The following HDAC9 variants were observed in gnomAD, a reference collection of about 807,000 sequenced individuals.
HDAC9 encodes the protein histone deacetylase 9.
HDAC9 carries 41 observed loss-of-function variants against 139.4 expected under a neutral mutation model. The observed-to-expected ratio is 0.29, with a 90% CI of 0.23 to 0.38. HDAC9 has a LOEUF of 0.38. Ranked by LOEUF, HDAC9 falls within the 10% of genes least tolerant of loss-of-function variation. HDAC9 has a pLI of 1.00. For synonymous variants in HDAC9, 517 were observed against 476.2 expected (o/e 1.09, Z -1.12); for missense variants, 1,147 against 1,297.0 (o/e 0.88, Z 1.78).
intron 1 of HDAC9, among the ~76,000 whole-genome samples, chr7:18,148,605 C>T (rs1352506250): frequency 2.0e-5 from 3 of 151,972 alleles, no homozygotes; most frequent in Admixed American, 6.6e-5. Context: ...TACAGGCGCT[C>T]GCCACCACGC....
At chr7:18,440,456 A>G (rs539624689) in intron 1 of HDAC9, among the ~76,000 whole-genome samples, 61 of 152,230 alleles carry the variant, frequency 4.0e-4, no homozygotes, top group Middle Eastern at 3.4e-3. Context: ...AAGTGCTGGG[A>G]TTACAGGCAT....
rs75748154 is a variant in HDAC9 at position 18,264,847 on chromosome 7, A to G, written c.25+102498A>G. 7.9e-5 allele frequency among the ~76,000 whole-genome samples: 12 copies of G among 152,330 alleles called. No individual in the cohort carries two copies. The East Asian group carries it at 1.7e-3, about 22-fold the overall frequency. ...CTTACAAGGAAAAGTTGTTTATGCA[A>G]GTGAATTTAGAAATTTAGCTATCTA... On this transcript the variant is annotated intron_variant, in intron 2 of 12. Coordinates refer to the HDAC9 transcript ENST00000417496.
intron 17 of HDAC9, among the ~76,000 whole-genome samples, chr7:18,821,687 T>C (rs1017045961): frequency 3.9e-5 from 6 of 152,210 alleles, no homozygotes; most frequent in African/African-American, 7.2e-5. Flanking sequence ...ACAGTTTAAC[T>C]CAATTCTGAC....
At chr7:18,931,807 A>C (rs79461240) in intron 22 of HDAC9, among the ~76,000 whole-genome samples, 8,360 of 152,242 alleles carry the variant, frequency 0.055, 303 homozygotes, top group South Asian at 0.15. Context: ...AGACTATGAC[A>C]ATTAAAAGAT....
At chr7:18,765,249 T>C (rs769677625) in intron 15 of HDAC9, among the ~76,000 whole-genome samples, 2 of 152,190 alleles carry the variant, frequency 1.3e-5, no homozygotes, top group Non-Finnish European at 2.9e-5. Flanking sequence ...ATAATAGTAT[T>C]AAATAAAACT....
intron 6 of HDAC9, among the ~76,000 whole-genome samples, chr7:18,597,137 T>A (rs956710601): frequency 6.6e-6 from 1 of 152,186 alleles, no homozygotes; most frequent in Non-Finnish European, 1.5e-5. Flanking sequence ...AATTTGGGCA[T>A]TTTAGAAACA....
chr7:18,892,784 G>T (rs1040138046), intron 22 of HDAC9: 6 of 152,058 alleles, frequency 3.9e-5, no homozygotes, highest in Non-Finnish European at 5.9e-5. Flanking sequence ...GCTCAGGAAG[G>T]TATATTTGTT....
chr7:18,749,234 A>G (rs1237914102), intron 14 of HDAC9, 96 bp downstream of exon 14: 6 of 1,269,638 alleles, frequency 4.7e-6, no homozygotes, highest in African/African-American at 4.4e-5. Context: ...TATTAACCAT[A>G]TAGTGCAAAC....
chr7:18,129,235 T>G (rs1784857271), intron 1 of HDAC9, among the ~76,000 whole-genome samples: 2 of 152,148 alleles, frequency 1.3e-5, no homozygotes, highest in South Asian at 4.1e-4. Context: ...ACACTGAAAT[T>G]CTATTGAAAA....
chr7:18,129,858 T>C (rs1444960394), intron 1 of HDAC9, among the ~76,000 whole-genome samples: 1 of 152,120 alleles, frequency 6.6e-6, no homozygotes, highest in Non-Finnish European at 1.5e-5. Flanking sequence ...CAAAGTGATA[T>C]AAGTGTTAGG....
chr7:18,143,004 C>A (rs1459355305), intron 1 of HDAC9, among the ~76,000 whole-genome samples: 1 of 152,196 alleles, frequency 6.6e-6, no homozygotes, highest in Admixed American at 6.5e-5. Context: ...GGATGTCCTT[C>A]AGTTCCATCC....
intron 1 of HDAC9, among the ~76,000 whole-genome samples, chr7:18,399,495 C>T (rs1194874074): frequency 6.6e-6 from 1 of 152,132 alleles, no homozygotes; most frequent in East Asian, 1.9e-4. Context: ...TTGTTTAAAG[C>T]ACAGTAAAAC....
intron 2 of HDAC9, among the ~76,000 whole-genome samples, chr7:18,167,131 G>A (rs1439667013): frequency 6.6e-6 from 1 of 151,528 alleles, no homozygotes; most frequent in Admixed American, 6.6e-5. Context: ...AGCAGAAGTT[G>A]ATCACAGGGT....
intron 11 of HDAC9, among the ~76,000 whole-genome samples, chr7:18,649,790 C>T (rs1445030960): frequency 1.3e-5 from 2 of 152,064 alleles, no homozygotes; most frequent in African/African-American, 2.4e-5. Context: ...ATGAAGGAAG[C>T]ATGGATTGGA....
At chr7:18,748,661 C>T (rs2129146828) in intron 13 of HDAC9, among the ~76,000 whole-genome samples, 1 of 152,224 alleles carries the variant, frequency 6.6e-6, no homozygotes, top group Admixed American at 6.5e-5. Context: ...AATTATCTGC[C>T]TAAAAACAAT....
chr7:18,292,575 G>A (rs1461110200), intron 1 of HDAC9, among the ~76,000 whole-genome samples: 4 of 151,974 alleles, frequency 2.6e-5, no homozygotes, highest in Admixed American at 6.6e-5. Context: ...TGGAGTTACC[G>A]CTGTAAAAAG....
intron 11 of HDAC9, among the ~76,000 whole-genome samples, chr7:18,662,038 A>C (rs1793342037): frequency 1.3e-5 from 2 of 152,120 alleles, no homozygotes. Context: ...CGTTCCATGG[A>C]AACTCAGGGG....
intron 12 of HDAC9, among the ~76,000 whole-genome samples, chr7:18,712,111 T>A (rs1327278990): frequency 1.3e-5 from 2 of 152,212 alleles, no homozygotes; most frequent in Non-Finnish European, 1.5e-5. Flanking sequence ...AGCCAGTCTT[T>A]GAATTCCAAT....
At chr7:18,946,036 C>CAAAATAAAAAAAAA (rs1563077235) in intron 23 of HDAC9, among the ~76,000 whole-genome samples, 4 of 38,276 alleles carry the variant, frequency 1.0e-4, no homozygotes, top group South Asian at 1.9e-3. Flanking sequence ...GACTCCGTCT[C>CAAAATAAAAAAAAA]AAAAAAAAAA....
Sources: allele counts gnomAD v4.1 joint callset (sites outside exome capture counted in the v4.1 genomes callset), GRCh38; gene constraint gnomAD v4.1.1; transcripts MANE v1.5; gene names NCBI Gene and HGNC (gene_info 2026-07-23, HGNC 2026-07-21).